Variants in ADGB observed in about 807,000 individuals in gnomAD.
The protein encoded by ADGB is calpain-7-like protein.
Under a neutral mutation model 210.5 loss-of-function variants are expected in ADGB, and 172 were observed. The observed-to-expected ratio is 0.82, with a 90% confidence interval of 0.72 to 0.93. The LOEUF (loss-of-function observed/expected upper bound fraction) is 0.93, where lower values mean the gene tolerates loss of function less well. Ranked by LOEUF, ADGB falls within the 40% of genes least tolerant of loss-of-function variation. The pLI is 0.00. For synonymous variants in ADGB, 658 were observed against 662.7 expected (o/e 0.99, Z 0.11); for missense variants, 2,025 against 1,964.8 (o/e 1.03, Z -0.58).
rs148975771 is a variant in ADGB at position 146,647,078 on chromosome 6, G to A, written c.330+2213G>A. 1.0e-4 allele frequency among the ~76,000 whole-genome samples: 14 copies of A among 137,396 alleles called. No individual in the cohort carries two copies. In the Admixed American group the frequency reaches 1.1e-3, roughly 11 times the overall value. 90.1% of individuals were successfully genotyped at this position (137,396 alleles called of 152,430 possible). On this transcript the variant is annotated intron_variant, in intron 3 of 35. Coordinates refer to ENST00000397944, the MANE Select transcript of ADGB (RefSeq NM_024694.4). ...CACTCCAGCCTGGGTGACAGAGTGA[G>A]AGCCTGTCTCAAAAAAAAACAAAAA...
chr6:146,650,475 A>C (rs1213221582), intron 3 of ADGB, among the ~76,000 whole-genome samples: 1 of 151,634 alleles, frequency 6.6e-6, no homozygotes, highest in Admixed American at 6.6e-5. Flanking sequence ...TGTTTCACAC[A>C]AACAAGCCAC....
At chr6:146,658,366 C>T (rs917644509) in intron 5 of ADGB, among the ~76,000 whole-genome samples, 1 of 151,844 alleles carries the variant, frequency 6.6e-6, no homozygotes, top group Admixed American at 6.6e-5. Context: ...GAGGAGCAAG[C>T]AGAAGGGTGA....
At chr6:146,672,955 T>C (rs1349074914) in intron 8 of ADGB, among the ~76,000 whole-genome samples, 3 of 152,036 alleles carry the variant, frequency 2.0e-5, no homozygotes, top group African/African-American at 7.2e-5. Context: ...GGTCTTGAAC[T>C]CCTGACCTCA....
At chr6:146,752,108 T>A (rs1178040251) in intron 26 of ADGB, among the ~76,000 whole-genome samples, 1 of 151,898 alleles carries the variant, frequency 6.6e-6, no homozygotes, top group East Asian at 1.9e-4. Context: ...AGAAAAGAGG[T>A]TTAATTGGCT....
intron 12 of ADGB, among the ~76,000 whole-genome samples, chr6:146,698,682 T>C (rs1583595366): frequency 1.3e-5 from 2 of 152,296 alleles, no homozygotes; most frequent in Non-Finnish European, 2.9e-5. Context: ...CCTGCTACTT[T>C]CGTTTTAAAA....
chr6:146,746,804 C>T (rs1228001520), intron 26 of ADGB, among the ~76,000 whole-genome samples: 1 of 152,180 alleles, frequency 6.6e-6, no homozygotes, highest in East Asian at 1.9e-4. Flanking sequence ...CATTCTTGAA[C>T]AGATGCCTAA....
At chr6:146,780,368 G>A (rs1384480151) in intron 29 of ADGB, among the ~76,000 whole-genome samples, 1 of 152,118 alleles carries the variant, frequency 6.6e-6, no homozygotes, top group East Asian at 1.9e-4. Flanking sequence ...TATTTTAAAT[G>A]TAAGTTAAGT....
chr6:146,663,007 A>C (rs1775884551), intron 5 of ADGB, among the ~76,000 whole-genome samples: 2 of 145,384 alleles, frequency 1.4e-5, no homozygotes, highest in Non-Finnish European at 3.0e-5. Context: ...AATCTTAATA[A>C]TATATATCTT....
At chr6:146,806,826 T>C (rs1345522406) in intron 35 of ADGB, among the ~76,000 whole-genome samples, 2 of 152,152 alleles carry the variant, frequency 1.3e-5, no homozygotes, top group African/African-American at 4.8e-5. Context: ...AAGAGCTAAG[T>C]GAAATCAGTT....
intron 9 of ADGB, among the ~76,000 whole-genome samples, chr6:146,680,365 G>A (rs1583587277): frequency 6.6e-6 from 1 of 152,176 alleles, no homozygotes; most frequent in South Asian, 2.1e-4. Context: ...TGGTCAAGAA[G>A]GTTCATTTTG....
intron 1 of ADGB, among the ~76,000 whole-genome samples, chr6:146,623,121 A>ATATGT (rs1468136066): frequency 6.6e-6 from 1 of 151,832 alleles, no homozygotes; most frequent in East Asian, 1.9e-4. Flanking sequence ...TAGTCTTTGA[A>ATATGT]TATGTTTCTC....
intron 1 of ADGB, among the ~76,000 whole-genome samples, chr6:146,615,058 G>A (rs954888520): frequency 6.0e-5 from 9 of 149,982 alleles, no homozygotes; most frequent in East Asian, 2.0e-4. Context: ...CCACCACCAC[G>A]CCCGGCTAAT....
chr6:146,734,867 G>T (rs1777055950), intron 22 of ADGB, among the ~76,000 whole-genome samples: 1 of 152,082 alleles, frequency 6.6e-6, no homozygotes, highest in Admixed American at 6.5e-5. Flanking sequence ...CCTGAGCCAA[G>T]ATCACACCAC....
intron 1 of ADGB, among the ~76,000 whole-genome samples, chr6:146,625,514 G>A (rs922835260): frequency 4.6e-5 from 7 of 152,112 alleles, no homozygotes; most frequent in African/African-American, 1.4e-4. Flanking sequence ...CTGTTGAAAT[G>A]TGAGGTGTTT....
In ADGB at chr6:146,691,147, G is replaced by T; in HGVS notation, c.1343G>T (p.Gly448Val). ...ADSAEKLREYGLSHICSHPVL... is the reference protein window; with the variant it reads ...ADSAEKLREYVLSHICSHPVL... Reference sequence around the variant, plus strand: ...TCTGCTGAGAAACTTAGAGAATATGGGCTTTCCCACATCTGTAGCCATCCT... The same window carrying T: ...TCTGCTGAGAAACTTAGAGAATATGTGCTTTCCCACATCTGTAGCCATCCT... The change falls in exon 11 of 36, where the codon GGG (glycine) becomes GTG (valine). Residue 448 changes from glycine (G) to valine (V), a missense_variant. Physicochemically the swap from Gly to Val is moderately radical, Grantham distance 109. Coordinates refer to ENST00000397944, the MANE Select transcript of ADGB (RefSeq NM_024694.4). 1.3e-6 allele frequency: 2 copies of T among 1,542,124 alleles called. No individual in the cohort carries two copies. Among genetic ancestry groups the T allele is most frequent in the South Asian group, 2.4e-5 (2 of 82,518 alleles).
Position 146,609,439 on chromosome 6 carries a change from GT to G in ADGB, c.74+10326del, listed in dbSNP as rs1295312445. On this transcript the variant is annotated intron_variant, in intron 1 of 35. Transcript: ENST00000397944. The stretch of plus-strand genomic sequence containing the variant: ...TGTTAGTTGGTTGTTACGTAGACTT[GT>G]CTGTGTAGTTAATTTATAGTATCAA... 3.3e-5 allele frequency among the ~76,000 whole-genome samples: 5 copies of G among 152,174 alleles called. No individual in the cohort carries two copies. In the East Asian group the frequency reaches 9.6e-4, roughly 29 times the overall value.
In ADGB at chr6:146,769,035, A is replaced by G; in HGVS notation, c.3766A>G (p.Ile1256Val). 2.0e-6 allele frequency: 3 copies of G among 1,511,834 alleles called. No individual in the cohort carries two copies. Among genetic ancestry groups the G allele is most frequent in the Non-Finnish European group, 2.7e-6 (3 of 1,118,296 alleles). The allele number at this position is 1,511,834 out of a possible 1,614,324, so 93.7% of individuals were successfully genotyped here. The part of the protein sequence containing the change: ...STPLQNYKYI[I>V]QCSVLYNSWP... ...TATTTCACAGAATTACAAGTATATT[A>G]TACAGTGTTCGGTGTTGTATAACAG... The change falls in exon 29 of 36, where the codon ATA becomes GTA. Residue 1256 changes from isoleucine to valine, a missense_variant. Physicochemically the swap from Ile to Val is conservative, Grantham distance 29. Transcript: ENST00000397944.
chr6:146,766,139 G>A (rs866447844), intron 28 of ADGB, among the ~76,000 whole-genome samples: 1 of 152,036 alleles, frequency 6.6e-6, no homozygotes, highest in Non-Finnish European at 1.5e-5. Context: ...GGGTGAGGGG[G>A]GCGGTGAGCG....
At chr6:146,713,451 G>C (rs1340440127) in intron 13 of ADGB, among the ~76,000 whole-genome samples, 1 of 152,116 alleles carries the variant, frequency 6.6e-6, no homozygotes, top group East Asian at 1.9e-4. Flanking sequence ...GCATGAAATG[G>C]TGTCTCATTG....
Sources: gnomAD v4.1 joint callset for allele counts (sites outside exome capture counted in the v4.1 genomes callset) on GRCh38, gnomAD v4.1.1 for gene constraint, MANE v1.5 for transcripts, NCBI Gene and HGNC (gene_info 2026-07-23, HGNC 2026-07-21) for gene names.